The following PKIB variants were observed in gnomAD, a reference collection of about 807,000 sequenced individuals.
The protein encoded by PKIB is cAMP-dependent protein kinase inhibitor beta.
A neutral mutation model predicts 4.5 loss-of-function variants in PKIB; 2 were observed. The observed-to-expected ratio is 0.44, with a 90% CI of 0.18 to 1.39. The LOEUF (loss-of-function observed/expected upper bound fraction) is 1.39, where lower values mean the gene tolerates loss of function less well. Ranked by LOEUF, PKIB falls within the 40% of genes most tolerant of loss-of-function variation. PKIB has a pLI of 0.27. For missense variants in PKIB, 94 were observed against 92.6 expected, an observed-to-expected ratio of 1.02 and a Z score of -0.06; for synonymous variants, 38 against 36.0, an observed-to-expected ratio of 1.06 and a Z score of -0.20.
intron 2 of PKIB, among the ~76,000 whole-genome samples, chr6:122,649,984 G>C (rs957260663): frequency 1.3e-5 from 2 of 152,142 alleles, no homozygotes; most frequent in African/African-American, 4.8e-5. Flanking sequence ...ACTTGTTATA[G>C]AGCCTTCTCT....
intron 2 of PKIB, among the ~76,000 whole-genome samples, chr6:122,538,329 A>T (rs1230648002): frequency 6.6e-6 from 1 of 151,904 alleles, no homozygotes; most frequent in Non-Finnish European, 1.5e-5. Context: ...ATGTAAGTCT[A>T]TAATCCATCT....
chr6:122,486,952 A>G (rs1052792610), intron 2 of PKIB, among the ~76,000 whole-genome samples: 6 of 30,708 alleles, frequency 2.0e-4, no homozygotes, highest in African/African-American at 6.6e-4. Context: ...TATCTATCTA[A>G]CTACTATTTT....
chr6:122,616,586 G>T (rs1038644412), intron 1 of PKIB, among the ~76,000 whole-genome samples: 6 of 152,176 alleles, frequency 3.9e-5, no homozygotes, highest in African/African-American at 1.4e-4. Context: ...GTTAAGTATA[G>T]AAAAGACAAT....
At chr6:122,719,829 A>G (rs1779662088) in intron 4 of PKIB, among the ~76,000 whole-genome samples, 1 of 152,106 alleles carries the variant, frequency 6.6e-6, no homozygotes, top group Non-Finnish European at 1.5e-5. Context: ...CAATGTATGC[A>G]TGTATCAAAA....
Position 122,498,938 on chromosome 6 carries a change from T to C in PKIB, c.-248+20999T>C, listed in dbSNP as rs75054599. ...CCTCAGAGACTATTATAAACACCTC[T>C]ATGTATACAAATTAGAAAATCTAGA... On this transcript the variant is annotated intron_variant, in intron 2 of 6. Coordinates refer to the PKIB transcript ENST00000392491. Among the ~76,000 whole-genome samples, 998 of 152,278 alleles carry C rather than the reference T, an allele frequency of 6.6e-3. 62 individuals are homozygous for C. The East Asian group carries it at 0.14, about 22-fold the overall frequency.
intron 2 of PKIB, chr6:122,480,042 AT>A (rs766078930): frequency 2.7e-3 from 397 of 144,904 alleles, no homozygotes; most frequent in African/African-American, 6.3e-3. Flanking sequence ...ACCATAGTCA[AT>A]TTTTTTTTTT....
intron 2 of PKIB, chr6:122,585,460 A>C (rs1386599322): frequency 6.6e-6 from 1 of 152,134 alleles, no homozygotes; most frequent in African/African-American, 2.4e-5. Context: ...GGCCAGAGAT[A>C]ATTTTAATTT....
chr6:122,561,845 T>C (rs1773021387), intron 2 of PKIB, among the ~76,000 whole-genome samples: 2 of 152,078 alleles, frequency 1.3e-5, no homozygotes, highest in Non-Finnish European at 2.9e-5. Flanking sequence ...AGCAGGTAGT[T>C]GGTTGGTGAG....
At chr6:122,681,794 A>G (rs1777905326) in intron 3 of PKIB, among the ~76,000 whole-genome samples, 1 of 152,172 alleles carries the variant, frequency 6.6e-6, no homozygotes, top group South Asian at 2.1e-4. Flanking sequence ...GAATTTTAGG[A>G]GTGATATTTA....
In PKIB at chr6:122,713,770, A is replaced by G. The variant is rs1168176543; in HGVS notation, c.-8-4017A>G. Among the ~76,000 whole-genome samples the G allele has an allele frequency of 2.0e-5, 3 of 152,332 alleles. No homozygotes were observed. In the East Asian group the frequency reaches 5.8e-4, roughly 29 times the overall value. The stretch of plus-strand genomic sequence containing the variant: ...GGTAATATATATGCTCATTAGTAAA[A>G]GTGAAAATATGTAAAGAGGTAGAGA... On this transcript the variant is annotated intron_variant, in intron 3 of 4. Coordinates refer to ENST00000368452, the MANE Select transcript of PKIB (RefSeq NM_181795.3).
chr6:122,518,149 T>C (rs1009509064), intron 2 of PKIB, among the ~76,000 whole-genome samples: 1 of 152,186 alleles, frequency 6.6e-6, no homozygotes, highest in Non-Finnish European at 1.5e-5. Flanking sequence ...TTGAATTTTA[T>C]ATAATTTTTA....
At chr6:122,572,667 A>T (rs1414822226) in intron 2 of PKIB, among the ~76,000 whole-genome samples, 2 of 151,236 alleles carry the variant, frequency 1.3e-5, no homozygotes, top group East Asian at 3.9e-4. Context: ...AAAAAAAACG[A>T]TAAATGAAAC....
At chr6:122,608,256 C>A (rs13200194), upstream of PKIB, among the ~76,000 whole-genome samples, 1 of 152,018 alleles carries the variant, frequency 6.6e-6, no homozygotes. Context: ...AACCTTAAAA[C>A]CTTGTCTTAA....
At position 122,528,843 on chromosome 6, in the gene PKIB, C is replaced by G. The variant is rs796987118; in HGVS notation, c.-248+50904C>G. Among the ~76,000 whole-genome samples the G allele has an allele frequency of 4.0e-4, 61 of 152,176 alleles. 1 individual carries two copies. Among genetic ancestry groups the G allele is most frequent in the African/African-American group, 1.3e-3 (54 of 41,530 alleles). On this transcript the variant is annotated intron_variant, in intron 2 of 6. Coordinates refer to the PKIB transcript ENST00000392491. Reference sequence around the variant, plus strand: ...GAGCCATGGTCATACTGATTGCACTCTAACCTGGGTGACAGAGTAAGACCT... The same window carrying G: ...GAGCCATGGTCATACTGATTGCACTGTAACCTGGGTGACAGAGTAAGACCT...
intron 3 of PKIB, among the ~76,000 whole-genome samples, chr6:122,709,867 C>A (rs1351152434): frequency 1.3e-5 from 2 of 152,160 alleles, no homozygotes; most frequent in African/African-American, 4.8e-5. Context: ...GCAGCAACTA[C>A]TGCTCTGGCT....
chr6:122,673,220 A>G (rs1224869982), intron 2 of PKIB, among the ~76,000 whole-genome samples: 1 of 152,164 alleles, frequency 6.6e-6, no homozygotes, highest in Non-Finnish European at 1.5e-5. Context: ...GGATATTTTA[A>G]ACATGCATTT....
chr6:122,488,309 T>C (rs1775828852), intron 2 of PKIB, among the ~76,000 whole-genome samples: 1 of 152,188 alleles, frequency 6.6e-6, no homozygotes, highest in Non-Finnish European at 1.5e-5. Flanking sequence ...TTATAGTCTA[T>C]TGTTATAATT....
chr6:122,528,791 C>T (rs1285612307), intron 2 of PKIB, among the ~76,000 whole-genome samples: 1 of 152,058 alleles, frequency 6.6e-6, no homozygotes, highest in African/African-American at 2.4e-5. Context: ...ACTTGGGAGA[C>T]CAAACTTAGG....
intron 2 of PKIB, among the ~76,000 whole-genome samples, chr6:122,528,356 TTTGA>T (rs1172851363): frequency 1.3e-5 from 2 of 152,204 alleles, no homozygotes; most frequent in Admixed American, 1.3e-4. Flanking sequence ...ATCTCTGTTC[TTTGA>T]TTGGACAGTG....
Sources: allele counts gnomAD v4.1 joint callset (sites outside exome capture counted in the v4.1 genomes callset), GRCh38; gene constraint gnomAD v4.1.1; transcripts MANE v1.5; gene names NCBI Gene and HGNC (gene_info 2026-07-23, HGNC 2026-07-21).